Variants in ATP8A2 observed in about 807,000 individuals in gnomAD.
ATP8A2 encodes the protein ATPase phospholipid transporting 8A2.
ATP8A2 carries 100 observed loss-of-function variants against 165.6 expected under a neutral mutation model. That is an observed-to-expected ratio of 0.60 (90% CI 0.51 to 0.71). The LOEUF (loss-of-function observed/expected upper bound fraction) is 0.71, where lower values mean the gene tolerates loss of function less well. ATP8A2 is among the 30% of genes least tolerant of loss of function. The probability of loss-of-function intolerance (pLI) is 0.00; values close to 1 mark genes in which losing one functional copy is unlikely to be tolerated. For missense variants in ATP8A2, 1,227 were observed against 1,479.5 expected (o/e 0.83, Z 2.80); for synonymous variants, 543 against 548.8 (o/e 0.99, Z 0.15).
intron 25 of ATP8A2, among the ~76,000 whole-genome samples, chr13:25,702,818 G>A (rs191128123): frequency 1.1e-4 from 16 of 152,162 alleles, no homozygotes; most frequent in Admixed American, 2.6e-4. Flanking sequence ...GGTGTTGAGG[G>A]CTCTTCCCTT....
intron 33 of ATP8A2, among the ~76,000 whole-genome samples, chr13:25,903,301 C>T (rs75508005): frequency 0.014 from 2,189 of 152,160 alleles, 44 homozygotes; most frequent in African/African-American, 0.049. Flanking sequence ...GCATTTGAAT[C>T]TTTCCTTTCC....
In ATP8A2 at chr13:25,452,852, TG is replaced by T. The variant is rs2035265207; in HGVS notation, c.77-16122del. Among the ~76,000 whole-genome samples, 4 of 152,012 alleles carry T rather than the reference TG, an allele frequency of 2.6e-5. No homozygotes were observed. The South Asian group carries it at 8.3e-4, about 32-fold the overall frequency. ...GCTCACATCTGTAATCCCAGCACTTTGGGAGGCTGAGGCAGGAGGATCACTT... is the reference window on the plus strand; with the variant it reads ...GCTCACATCTGTAATCCCAGCACTTTGGAGGCTGAGGCAGGAGGATCACTT... On this transcript the variant is annotated intron_variant, in intron 1 of 36. Coordinates refer to ENST00000381655, the MANE Select transcript of ATP8A2 (RefSeq NM_016529.6).
Position 26,020,091 on chromosome 13 carries a change from G to A in ATP8A2, c.*106G>A. On this transcript the variant is annotated 3_prime_UTR_variant, in exon 37 of 37. Transcript: ENST00000381655. Reference sequence around the variant, plus strand: ...CTGGCGTCAGCAGCCAAAACACCAGGAAACACATTTCTGTGGCCTTAGCCA... The same window carrying A: ...CTGGCGTCAGCAGCCAAAACACCAGAAAACACATTTCTGTGGCCTTAGCCA... 3.7e-6 allele frequency: 3 copies of A among 803,344 alleles called. No individual in the cohort carries two copies. The South Asian group carries it at 4.8e-5, about 13-fold the overall frequency. 49.8% of individuals were successfully genotyped at this position (803,344 alleles called of 1,614,324 possible).
chr13:25,393,319 A>G (rs1468543226), intron 1 of ATP8A2, among the ~76,000 whole-genome samples: 2 of 152,030 alleles, frequency 1.3e-5, no homozygotes, highest in Non-Finnish European at 2.9e-5. Flanking sequence ...TTTTGTAGTG[A>G]TGGGATCTCA....
chr13:25,946,999 C>A (rs552237252), intron 33 of ATP8A2, among the ~76,000 whole-genome samples: 13 of 152,190 alleles, frequency 8.5e-5, no homozygotes, highest in Admixed American at 5.2e-4. Flanking sequence ...CCACCCACCT[C>A]GGCCTCCTAG....
chr13:25,927,879 C>T (rs1954656851), intron 33 of ATP8A2, among the ~76,000 whole-genome samples: 1 of 152,228 alleles, frequency 6.6e-6, no homozygotes, highest in Non-Finnish European at 1.5e-5. Context: ...ATGTTGATAC[C>T]ATTTATCTTC....
At chr13:25,388,918 G>A (rs77950041) in intron 1 of ATP8A2, among the ~76,000 whole-genome samples, 5,347 of 152,270 alleles carry the variant, frequency 0.035, 132 homozygotes, top group South Asian at 0.082. Context: ...GATTCACCAG[G>A]GAAGAGAAAG....
intron 18 of ATP8A2, among the ~76,000 whole-genome samples, chr13:25,573,075 G>C (rs1038154829): frequency 1.3e-5 from 2 of 152,146 alleles, no homozygotes; most frequent in Admixed American, 6.5e-5. Context: ...ATTAAAAGTG[G>C]AATGAAGTAC....
intron 31 of ATP8A2, among the ~76,000 whole-genome samples, 182 bp from the exon 32 acceptor site, chr13:25,860,622 A>AGCTTTC (rs1401978733): frequency 3.9e-5 from 6 of 152,198 alleles, no homozygotes; most frequent in Non-Finnish European, 8.8e-5. Flanking sequence ...TCTGGAAGTG[A>AGCTTTC]ATCTGCCTGT....
rs768895545 is a variant in ATP8A2, at chr13:25,538,069, G to A, written c.581+8G>A. 1.2e-6 allele frequency: 2 copies of A among 1,610,946 alleles called. No individual in the cohort carries two copies. The highest frequency in any genetic ancestry group is 1.3e-5 in the African/African-American group (1 of 74,908). On this transcript the variant is annotated splice_region_variant and intron_variant, in intron 7 of 36. Transcript: ENST00000381655. Reference sequence around the variant, plus strand: ...GGTCCTGCTGTCATCCAGGTTAGCTGTGCTAGTAGGCACCTTTTTTGCAAT... The same window carrying A: ...GGTCCTGCTGTCATCCAGGTTAGCTATGCTAGTAGGCACCTTTTTTGCAAT...
At chr13:25,807,928 C>T (rs146632727) in intron 27 of ATP8A2, among the ~76,000 whole-genome samples, 54 of 152,192 alleles carry the variant, frequency 3.5e-4, no homozygotes, top group African/African-American at 1.3e-3. Flanking sequence ...TTTTTTTCTA[C>T]AGTAAGCTAC....
intron 25 of ATP8A2, among the ~76,000 whole-genome samples, chr13:25,741,817 G>A (rs1165778342): frequency 6.6e-6 from 1 of 152,224 alleles, no homozygotes; most frequent in Non-Finnish European, 1.5e-5. Flanking sequence ...TTCTGGGGCA[G>A]TATCTGCCCC....
At chr13:25,761,618 A>T (rs1272987285) in intron 25 of ATP8A2, among the ~76,000 whole-genome samples, 1 of 150,186 alleles carries the variant, frequency 6.7e-6, no homozygotes, top group Non-Finnish European at 1.5e-5. Flanking sequence ...TCTCAAAAAA[A>T]GTATATGTAT....
chr13:25,905,790 C>G (rs560350593), intron 33 of ATP8A2, among the ~76,000 whole-genome samples: 1 of 152,324 alleles, frequency 6.6e-6, no homozygotes, highest in Non-Finnish European at 1.5e-5. Flanking sequence ...TCCTGGGGCC[C>G]CTTCCTGCCT....
chr13:25,952,036 G>C (rs1397062133), intron 33 of ATP8A2, among the ~76,000 whole-genome samples: 1 of 152,128 alleles, frequency 6.6e-6, no homozygotes. Context: ...CATTGGGATC[G>C]GGTGTGTGGG....
At chr13:25,757,503 A>ATGTGTG (rs113178441) in intron 25 of ATP8A2, among the ~76,000 whole-genome samples, 17,818 of 150,562 alleles carry the variant, frequency 0.12, 1,175 homozygotes, top group Middle Eastern at 0.18. Flanking sequence ...ACGATATACT[A>ATGTGTG]TGTGTGTGTG....
intron 34 of ATP8A2, among the ~76,000 whole-genome samples, chr13:25,964,497 C>G (rs1955731277): frequency 1.3e-5 from 2 of 152,208 alleles, no homozygotes; most frequent in Admixed American, 1.3e-4. Flanking sequence ...TCAGTTACCT[C>G]TGAGAAGCTA....
At chr13:25,476,441 A>C (rs990756343) in intron 2 of ATP8A2, among the ~76,000 whole-genome samples, 19 of 152,112 alleles carry the variant, frequency 1.2e-4, no homozygotes, top group African/African-American at 4.6e-4. Flanking sequence ...GGCACCCGCC[A>C]CCACGGCCAG....
chr13:25,694,174 A>T (rs894226766), intron 24 of ATP8A2, among the ~76,000 whole-genome samples: 7 of 152,184 alleles, frequency 4.6e-5, no homozygotes, highest in African/African-American at 1.7e-4. Flanking sequence ...AATAACCCTA[A>T]CTGGAGAAAG....
Sources: gnomAD v4.1 joint callset for allele counts (sites outside exome capture counted in the v4.1 genomes callset) on GRCh38, gnomAD v4.1.1 for gene constraint, MANE v1.5 for transcripts, NCBI Gene and HGNC (gene_info 2026-07-23, HGNC 2026-07-21) for gene names.